The following RAB3B variants were observed in gnomAD, a reference collection of about 807,000 sequenced individuals.
The protein encoded by RAB3B is ras-related protein Rab-3B.
RAB3B carries 11 observed loss-of-function variants against 20.5 expected under a neutral mutation model. That is an observed-to-expected ratio of 0.54 (90% CI 0.34 to 0.89). RAB3B has a LOEUF of 0.89. Ranked by LOEUF, RAB3B falls within the 40% of genes least tolerant of loss-of-function variation. The pLI is 0.02. For synonymous variants in RAB3B, 99 were observed against 106.3 expected (o/e 0.93, Z 0.42); for missense variants, 225 against 280.9 (o/e 0.80, Z 1.42).
At chr1:51,975,197 G>C (rs1684991660) in intron 2 of RAB3B, among the ~76,000 whole-genome samples, 1 of 152,196 alleles carries the variant, frequency 6.6e-6, no homozygotes, top group Admixed American at 6.5e-5. Flanking sequence ...TCAGGTGACA[G>C]AGTGAGACTC....
chr1:51,934,645 A>T (rs1684371876), intron 3 of RAB3B, among the ~76,000 whole-genome samples: 1 of 151,900 alleles, frequency 6.6e-6, no homozygotes, highest in African/African-American at 2.4e-5. Flanking sequence ...GCATGGTGGC[A>T]GGCGTCTGTA....
At chr1:51,948,532 G>A (rs921266726) in intron 2 of RAB3B, among the ~76,000 whole-genome samples, 16 of 152,270 alleles carry the variant, frequency 1.1e-4, no homozygotes, top group Admixed American at 9.2e-4. Context: ...AATACAAGCC[G>A]GTACTTGCTT....
intron 2 of RAB3B, among the ~76,000 whole-genome samples, chr1:51,941,613 G>A (rs1350596254): frequency 6.6e-6 from 1 of 152,166 alleles, no homozygotes; most frequent in African/African-American, 2.4e-5. Flanking sequence ...TTCTGTCAGG[G>A]CTTGGCTTCT....
Position 51,976,098 on chromosome 1 carries a change from T to C in RAB3B, c.228+792A>G, listed in dbSNP as rs115263908. Among the ~76,000 whole-genome samples, 1,349 of 152,280 alleles carry C rather than the reference T, an allele frequency of 8.9e-3. 14 individuals carry two copies. The highest frequency in any genetic ancestry group is 0.012 in the Admixed American group (189 of 15,290). On this transcript the variant is annotated intron_variant, in intron 2 of 4. Transcript: ENST00000371655. ...AGAGGCCCCAACCACTCCCAAATGT[T>C]TGATCCACAGAAACTATGAGATAAT...
chr1:51,961,663 A>G lies in RAB3B; in HGVS notation c.228+15227T>C, dbSNP rs561313794. Among the ~76,000 whole-genome samples the G allele has an allele frequency of 2.6e-5, 4 of 152,326 alleles. No individual in the cohort carries two copies. In the East Asian group the frequency reaches 7.7e-4, roughly 29 times the overall value. On this transcript the variant is annotated intron_variant, in intron 2 of 4. Coordinates refer to ENST00000371655, the MANE Select transcript of RAB3B (RefSeq NM_002867.4). ...TAAAGTATGTAATTGCTGCCCAAAA[A>G]TTGTAATTATTAACAATTTCACCAT...
intron 1 of RAB3B, among the ~76,000 whole-genome samples, chr1:51,986,591 T>G (rs1444771204): frequency 6.6e-6 from 1 of 152,086 alleles, no homozygotes; most frequent in Admixed American, 6.5e-5. Context: ...CCAACCTGGG[T>G]GACAGAGTGA....
intron 1 of RAB3B, among the ~76,000 whole-genome samples, chr1:51,988,143 A>G (rs1394851052): frequency 6.6e-6 from 1 of 152,214 alleles, no homozygotes; most frequent in South Asian, 2.1e-4. Context: ...GGTCAACTGT[A>G]TATGCAATAT....
At chr1:51,945,175 T>C (rs1435425616) in intron 2 of RAB3B, among the ~76,000 whole-genome samples, 1 of 152,096 alleles carries the variant, frequency 6.6e-6, no homozygotes, top group African/African-American at 2.4e-5. Context: ...AATAAAGTAT[T>C]TTGTTGGTTT....
rs1168869562 is a variant in RAB3B, at chr1:51,917,091, G to GTTTGTA, written c.*2835_*2836insTACAAA. ...CTTATTATGTGACTTTAGAGGTCCA[G>GTTTGTA]CTAGAACCTCTTTGTACCTTTGTTT... is the stretch of plus-strand genomic sequence containing the variant. On this transcript the variant is annotated 3_prime_UTR_variant, in exon 5 of 5. Transcript: ENST00000371655. 6.6e-6 allele frequency: 1 copy of GTTTGTA among 152,198 alleles called. No homozygotes were observed. The highest frequency in any genetic ancestry group is 1.5e-5 in the Non-Finnish European group (1 of 68,030). 9.4% of individuals were successfully genotyped at this position (152,198 alleles called of 1,614,324 possible).
At chr1:51,956,308 T>C (rs1367693109) in intron 2 of RAB3B, among the ~76,000 whole-genome samples, 2 of 152,216 alleles carry the variant, frequency 1.3e-5, no homozygotes, top group Non-Finnish European at 1.5e-5. Flanking sequence ...ACTTACTAAG[T>C]GTCAAGCACT....
rs61590258 is a variant in RAB3B at position 51,912,542 on chromosome 1, TAA to T, written c.*7383_*7384del. On this transcript the variant is annotated 3_prime_UTR_variant, in exon 5 of 5. Transcript: ENST00000371655. ...GGCAACATAGCAAGACCGTCTCTATTAAAAAAAAAAAAATATATATATATATA... is the reference window on the plus strand; with the variant it reads ...GGCAACATAGCAAGACCGTCTCTATTAAAAAAAAAAATATATATATATATA... 8.1e-3 allele frequency: 52 copies of T among 6,386 alleles called. No homozygotes were observed. Among genetic ancestry groups the T allele is most frequent in the South Asian group, 0.02 (2 of 98 alleles). 0.4% of individuals were successfully genotyped at this position (6,386 alleles called of 1,614,324 possible).
At chr1:51,964,938 G>A (rs1211785165) in intron 2 of RAB3B, among the ~76,000 whole-genome samples, 2 of 152,172 alleles carry the variant, frequency 1.3e-5, no homozygotes, top group South Asian at 4.1e-4. Flanking sequence ...TAAGTGTTAA[G>A]ATGTAAGTCA....
chr1:51,982,269 C>T (rs1685097670), intron 1 of RAB3B, among the ~76,000 whole-genome samples: 1 of 152,044 alleles, frequency 6.6e-6, no homozygotes, highest in Admixed American at 6.5e-5. Context: ...AAGAAAAGGC[C>T]AGGTTCAGTG....
At chr1:51,922,858 G>A (rs916746247) in intron 4 of RAB3B, among the ~76,000 whole-genome samples, 8 of 152,006 alleles carry the variant, frequency 5.3e-5, no homozygotes, top group South Asian at 2.1e-4. Context: ...CACCACACCC[G>A]GCTAATTTTT....
chr1:51,981,449 C>T (rs1297172092), intron 1 of RAB3B, among the ~76,000 whole-genome samples: 2 of 152,344 alleles, frequency 1.3e-5, no homozygotes, highest in Middle Eastern at 3.4e-3. Flanking sequence ...CAGAGGCATA[C>T]ATGTTATCAA....
intron 1 of RAB3B, among the ~76,000 whole-genome samples, chr1:51,979,160 G>T (rs1571980554): frequency 6.6e-6 from 1 of 152,192 alleles, no homozygotes; most frequent in South Asian, 2.1e-4. Flanking sequence ...AGGTTGGAAG[G>T]GAGGGTGCCA....
At chr1:51,980,412 A>T (rs928842078) in intron 1 of RAB3B, 8 of 457,968 alleles carry the variant, frequency 1.7e-5, no homozygotes, top group African/African-American at 1.6e-4. Context: ...TGGGCAACAG[A>T]GCAAGACTGT....
intron 1 of RAB3B, chr1:51,980,655 C>T (rs566987126): frequency 1.3e-6 from 1 of 757,328 alleles, no homozygotes; most frequent in Non-Finnish European, 2.4e-6. Context: ...TCTTCGATGC[C>T]TATGTGCTTC....
chr1:51,933,571 A>G, intron 3 of RAB3B, 129 bp from the exon 4 acceptor site: 2 of 806,846 alleles, frequency 2.5e-6, no homozygotes, highest in Non-Finnish European at 1.9e-6. Flanking sequence ...AGTCTTCGGG[A>G]TGTAATTATG....
Sources: allele counts gnomAD v4.1 joint callset (sites outside exome capture counted in the v4.1 genomes callset), GRCh38; gene constraint gnomAD v4.1.1; transcripts MANE v1.5; gene names NCBI Gene and HGNC (gene_info 2026-07-23, HGNC 2026-07-21).